PTPRF: variants seen among roughly 807,000 people sequenced by gnomAD.
PTPRF encodes receptor-type tyrosine-protein phosphatase F.
PTPRF carries 59 observed loss-of-function variants against 201.8 expected under a neutral mutation model. The observed-to-expected ratio is 0.29, with a 90% CI of 0.24 to 0.36. PTPRF has a LOEUF of 0.36. Ranked by LOEUF, PTPRF falls within the 10% of genes least tolerant of loss-of-function variation. PTPRF has a pLI of 1.00. For synonymous variants in PTPRF, 1,088 were observed against 1,089.7 expected, an observed-to-expected ratio of 1.00 and a Z score of 0.03; for missense variants, 2,132 against 2,690.5, an observed-to-expected ratio of 0.79 and a Z score of 4.59.
In PTPRF at chr1:43,605,609, T is replaced by G; in HGVS notation, c.3470T>G (p.Leu1157Arg). ...LTPRWSTPEE[L>R]ELDELLEAIE... ...CCAAGGTGGAGCACACCCGAGGAACTGGAGCTGGACGAGGTACCTGGGGAG... is the reference window on the plus strand; with the variant it reads ...CCAAGGTGGAGCACACCCGAGGAACGGGAGCTGGACGAGGTACCTGGGGAG... The change falls in exon 19 of 34, where the codon CTG (leucine) becomes CGG (arginine). Residue 1157 changes from leucine to arginine, a missense_variant. Physicochemically the swap from Leu to Arg is moderately radical, Grantham distance 102 (BLOSUM62 -2). Coordinates refer to ENST00000359947, the MANE Select transcript of PTPRF (RefSeq NM_002840.5). 1 of 1,614,128 alleles carries G rather than the reference T, an allele frequency of 6.2e-7. No homozygotes were observed. The highest frequency in any genetic ancestry group is 8.5e-7 in the Non-Finnish European group (1 of 1,180,012).
At chr1:43,597,658 G>A (rs879739752) in intron 11 of PTPRF, 90 bp from the exon 12 acceptor site, 119 of 982,616 alleles carry the variant, frequency 1.2e-4, no homozygotes, top group Non-Finnish European at 1.6e-4. Context: ...TAGCCTGCCC[G>A]GGTGAGTCTC....
At chr1:43,565,237 G>A (rs945390796) in intron 5 of PTPRF, among the ~76,000 whole-genome samples, 1 of 152,024 alleles carries the variant, frequency 6.6e-6, no homozygotes, top group South Asian at 2.1e-4. Context: ...TTAGCCAAGC[G>A]CTCATCCACT....
At chr1:43,596,949 CTG>C (rs1652418841) in intron 11 of PTPRF, among the ~76,000 whole-genome samples, 1 of 151,866 alleles carries the variant, frequency 6.6e-6, no homozygotes. Context: ...ATGTGATACT[CTG>C]TGTATATGTG....
chr1:43,530,859 C>CGCGGCTGGAGCTGGCGCGGGA (rs1643374097), upstream of PTPRF: 1 of 151,840 alleles, frequency 6.6e-6, no homozygotes, highest in Non-Finnish European at 1.5e-5. This position sits in a 1 kb window ranked among gnomAD's most constrained non-coding sequence, Gnocchi z 4.1. Context: ...GAGGGGAGCG[C>CGCGGCTGGAGCTGGCGCGGGA]GCGGCTGGAG....
At chr1:43,596,598 G>A (rs952921842) in intron 11 of PTPRF, among the ~76,000 whole-genome samples, 2 of 152,266 alleles carry the variant, frequency 1.3e-5, no homozygotes, top group East Asian at 1.9e-4. Context: ...CTTCATGTTC[G>A]GCCTCCTGTT....
chr1:43,539,327 C>T (rs910956637), intron 2 of PTPRF, among the ~76,000 whole-genome samples: 1 of 152,098 alleles, frequency 6.6e-6, no homozygotes, highest in Non-Finnish European at 1.5e-5. Flanking sequence ...TGGTGCTGTC[C>T]CCAAGACTGG....
Position 43,603,393 on chromosome 1 carries a change from A to G in PTPRF, c.2341-23A>G, listed in dbSNP as rs1162285962. 6.2e-7 allele frequency: 1 copy of G among 1,602,944 alleles called. No individual in the cohort carries two copies. Among genetic ancestry groups the G allele is most frequent in the Non-Finnish European group, 8.5e-7 (1 of 1,169,998 alleles). The stretch of plus-strand genomic sequence containing the variant: ...CTCTCCCTGCATTCTTGTGATGGGA[A>G]CGAACCCCTCCTCCTCCCTCAGGAA... On this transcript the variant is annotated intron_variant, in intron 14 of 33. Transcript: ENST00000359947. The surrounding 1 kb of genome is among the most constrained non-coding windows in gnomAD (Gnocchi z 5.8).
chr1:43,620,723 C>T (rs1659017591), intron 31 of PTPRF, 115 bp from the exon 32 acceptor site: 2 of 1,522,332 alleles, frequency 1.3e-6, no homozygotes, highest in Admixed American at 1.8e-5. Context: ...CCCCTGTGGC[C>T]TCGGGTGCAG....
chr1:43,545,916 C>T (rs564113707), intron 3 of PTPRF, among the ~76,000 whole-genome samples: 11 of 152,326 alleles, frequency 7.2e-5, no homozygotes, highest in African/African-American at 2.2e-4. Flanking sequence ...GGCCTCAGCC[C>T]GCCCCATCGC....
chr1:43,597,911 G>A lies in PTPRF; in HGVS notation c.1977G>A (p.Val659=), dbSNP rs1652778640. 5.0e-6 allele frequency: 8 copies of A among 1,602,090 alleles called. No homozygotes were observed. Among genetic ancestry groups the A allele is most frequent in the Non-Finnish European group, 6.0e-6 (7 of 1,174,824 alleles). ...VDGEDRGRHV[V]DGISREHSSW... The stretch of plus-strand genomic sequence containing the variant: ...GCGAGGACCGCGGGCGGCATGTGGT[G>A]GATGGCATCAGCCGTGAGCACTCCA... Residue 659 remains valine, a synonymous_variant, in exon 12 of 34, where the codon GTG becomes GTA. Transcript: ENST00000359947.
At position 43,591,399 on chromosome 1, in the gene PTPRF, G is replaced by A. The variant is rs377187180; in HGVS notation, c.1377G>A (p.Pro459=). 1.4e-4 allele frequency: 222 copies of A among 1,566,418 alleles called. No individual in the cohort carries two copies. In the African/African-American group the frequency reaches 2.3e-3, roughly 16 times the overall value. The change falls in exon 9 of 34, where the codon CCG becomes CCA. Residue 459 remains proline (P), a synonymous_variant. Coordinates refer to ENST00000359947, the MANE Select transcript of PTPRF (RefSeq NM_002840.5). ...ATACTCCGGACTCCCGCCGCCCCCC[G>A]AACGCCTGGCACAAGCACAACACCG... ...VYYTPDSRRP[P]NAWHKHNTDA... is the part of the protein sequence containing the mutation.
intron 2 of PTPRF, among the ~76,000 whole-genome samples, chr1:43,543,283 G>C (rs1359245524): frequency 6.6e-6 from 1 of 152,242 alleles, no homozygotes; most frequent in African/African-American, 2.4e-5. Flanking sequence ...GCTCAGGCAG[G>C]GCCTTGGTGA....
chr1:43,544,997 C>T, intron 2 of PTPRF, 34 bp from the exon 3 acceptor site: 1 of 1,298,662 alleles, frequency 7.7e-7, no homozygotes, highest in Admixed American at 2.3e-5. Context: ...CAGTAAATAC[C>T]AGCTAACTGG....
At chr1:43,620,611 C>T in intron 31 of PTPRF, 32 bp downstream of exon 31, 1 of 1,606,030 alleles carries the variant, frequency 6.2e-7, no homozygotes, top group African/African-American at 1.3e-5. Context: ...GTCCATAACG[C>T]TGCCTGTCCA....
intron 6 of PTPRF, among the ~76,000 whole-genome samples, chr1:43,576,093 T>C (rs1289645608): frequency 1.3e-5 from 2 of 152,038 alleles, no homozygotes; most frequent in Non-Finnish European, 2.9e-5. Flanking sequence ...ACACATCCAC[T>C]CTCAGTCATT....
At chr1:43,565,272 G>C (rs938144809) in intron 5 of PTPRF, among the ~76,000 whole-genome samples, 3 of 152,024 alleles carry the variant, frequency 2.0e-5, no homozygotes, top group Non-Finnish European at 4.4e-5. Flanking sequence ...TCCCACCATC[G>C]ACCCCCGACC....
rs1249517698 is a variant in PTPRF, at chr1:43,548,518, G to A, written c.91+3352G>A. Among the ~76,000 whole-genome samples, 6 of 152,130 alleles carry A rather than the reference G, an allele frequency of 3.9e-5. No homozygotes were observed. The South Asian group carries it at 8.3e-4, about 21-fold the overall frequency. The stretch of plus-strand genomic sequence containing the variant: ...CCCTGTGGGACTTCCCGCAGATTCC[G>A]TTGCTTTCTCTCTCTGGGCCTGTTT... On this transcript the variant is annotated intron_variant, in intron 3 of 33. Transcript: ENST00000359947.
chr1:43,534,809 T>A (rs964981559), intron 1 of PTPRF, among the ~76,000 whole-genome samples: 2 of 152,108 alleles, frequency 1.3e-5, no homozygotes, highest in Non-Finnish European at 1.5e-5. Flanking sequence ...GGTGAAGAGC[T>A]CGAGTTTTAT....
rs774058164 is a variant in PTPRF, at chr1:43,619,167, C to T, written c.4611C>T (p.Asn1537=). 6 of 1,613,598 alleles carry T rather than the reference C, an allele frequency of 3.7e-6. No individual in the cohort carries two copies. The highest frequency in any genetic ancestry group is 1.1e-5 in the South Asian group (1 of 91,012). ...TCCTACGACGGGTCAAGGCCTGCAA[C>T]CCCCTAGACGCAGGGCCCATGGTGG... ...LAFLRRVKAC[N]PLDAGPMVVH... The change falls in exon 27 of 34, where the codon AAC becomes AAT. Residue 1537 remains asparagine, a synonymous_variant. Transcript: ENST00000359947.
Sources: allele counts gnomAD v4.1 joint callset (sites outside exome capture counted in the v4.1 genomes callset), GRCh38; gene constraint gnomAD v4.1.1; non-coding constraint Gnocchi (gnomAD v3.1); transcripts MANE v1.5; gene names NCBI Gene and HGNC (gene_info 2026-07-23, HGNC 2026-07-21).